PAX7: variants seen among roughly 807,000 people sequenced by gnomAD.
The protein encoded by PAX7 is paired box protein Pax-7.
Under a neutral mutation model 50.7 loss-of-function variants are expected in PAX7, and 18 were observed. The observed-to-expected ratio is 0.36, with a 90% confidence interval of 0.25 to 0.53. The LOEUF is 0.53. Among genes scored for constraint, PAX7 ranks in the 20% least tolerant of loss-of-function variants. The pLI is 0.93. For synonymous variants in PAX7, 310 were observed against 290.4 expected (o/e 1.07, Z -0.69); for missense variants, 644 against 702.9 (o/e 0.92, Z 0.95).
At chr1:18,664,365 T>G (rs1371891130) in intron 4 of PAX7, among the ~76,000 whole-genome samples, 1 of 152,200 alleles carries the variant, frequency 6.6e-6, no homozygotes, top group African/African-American at 2.4e-5. Context: ...TTCCCAACTG[T>G]TGAAAGTCTT....
rs1441884813 is a variant in PAX7, at chr1:18,631,465, G to A, written c.-139G>A. 2.8e-6 allele frequency: 2 copies of A among 712,366 alleles called. No homozygotes were observed. Among genetic ancestry groups the A allele is most frequent in the African/African-American group, 1.8e-5 (1 of 56,438 alleles). The allele number at this position is 712,366 out of a possible 1,614,324, so 44.1% of individuals were successfully genotyped here. On this transcript the variant is annotated 5_prime_UTR_variant, in exon 1 of 9. The change creates a new upstream start codon in the 5' untranslated region. Transcript: ENST00000420770. The stretch of plus-strand genomic sequence containing the variant: ...CAGGGGTGGGGGGTGGGGGTAGGGA[G>A]TGTGTGTGGAGGGGAGGGAGAAGAG...
chr1:18,747,938 C>A lies in PAX7; in HGVS notation c.*3009C>A. The A allele has an allele frequency of 5.1e-6, 1 of 197,790 alleles. No homozygotes were observed. The highest frequency in any genetic ancestry group is 1.0e-5 in the Non-Finnish European group (1 of 95,478). 12.3% of individuals were successfully genotyped at this position (197,790 alleles called of 1,614,324 possible). On this transcript the variant is annotated 3_prime_UTR_variant, in exon 9 of 9. Transcript: ENST00000420770. ...CATTCCAGGCTCTAGTGGGTTCTTT[C>A]AATCTTGTTCCTTTATTTTTTTCAT...
At chr1:18,731,902 C>T (rs888759969) in intron 7 of PAX7, among the ~76,000 whole-genome samples, 1 of 152,196 alleles carries the variant, frequency 6.6e-6, no homozygotes, top group South Asian at 2.1e-4. Flanking sequence ...CGGGCACCAC[C>T]CAAGCCCCTT....
At chr1:18,657,577 C>A (rs2088540770) in intron 4 of PAX7, among the ~76,000 whole-genome samples, 1 of 152,166 alleles carries the variant, frequency 6.6e-6, no homozygotes, top group Non-Finnish European at 1.5e-5. Flanking sequence ...GAGACCTGGT[C>A]TCCTCTGCCT....
At chr1:18,679,707 G>A (rs180940838) in intron 4 of PAX7, among the ~76,000 whole-genome samples, 8 of 152,350 alleles carry the variant, frequency 5.3e-5, no homozygotes, top group African/African-American at 1.2e-4. Context: ...TGGGATGGAC[G>A]TGGGGTCTGT....
intron 4 of PAX7, among the ~76,000 whole-genome samples, chr1:18,650,968 C>A (rs1411315690): frequency 2.0e-5 from 3 of 152,106 alleles, no homozygotes; most frequent in Non-Finnish European, 1.5e-5. Flanking sequence ...TGGATGGTCT[C>A]CCAGACACTC....
At chr1:18,656,127 C>A (rs1304401432) in intron 4 of PAX7, among the ~76,000 whole-genome samples, 1 of 152,176 alleles carries the variant, frequency 6.6e-6, no homozygotes, top group Non-Finnish European at 1.5e-5. Flanking sequence ...GCGCTTATAA[C>A]AATGCCTGGT....
intron 4 of PAX7, among the ~76,000 whole-genome samples, chr1:18,665,717 C>T (rs985983074): frequency 4.9e-4 from 71 of 143,562 alleles, no homozygotes; most frequent in African/African-American, 1.8e-3. Context: ...GTTGCCCAGG[C>T]TGGAGTACAT....
rs907543749 is a variant in PAX7, at chr1:18,690,421, C to T, written c.587-1333C>T. ...AGGGGCTGCTGAGGGGCAGCTTCAGCGCCCCGGCTGGGAGATGCCCTGCTA... is the reference window on the plus strand; with the variant it reads ...AGGGGCTGCTGAGGGGCAGCTTCAGTGCCCCGGCTGGGAGATGCCCTGCTA... On this transcript the variant is annotated intron_variant, in intron 4 of 8. Transcript: ENST00000420770. Among the ~76,000 whole-genome samples, 9 of 152,218 alleles carry T rather than the reference C, an allele frequency of 5.9e-5. No individual in the cohort carries two copies. In the South Asian group the frequency reaches 6.2e-4, roughly 10 times the overall value.
At chr1:18,667,738 C>T (rs2088691132) in intron 4 of PAX7, among the ~76,000 whole-genome samples, 1 of 152,106 alleles carries the variant, frequency 6.6e-6, no homozygotes, top group Non-Finnish European at 1.5e-5. Flanking sequence ...CTTCCTGCAT[C>T]ACACCCAGGA....
At chr1:18,736,775 A>G (rs1025254217) in intron 8 of PAX7, among the ~76,000 whole-genome samples, 6 of 152,246 alleles carry the variant, frequency 3.9e-5, no homozygotes, top group African/African-American at 1.4e-4. Context: ...TTTTCCAACT[A>G]CTAAATAACC....
At chr1:18,711,230 C>T (rs1019434497) in intron 7 of PAX7, among the ~76,000 whole-genome samples, 1 of 152,182 alleles carries the variant, frequency 6.6e-6, no homozygotes, top group African/African-American at 2.4e-5. Context: ...GCTTGCTTAA[C>T]CTCTCTGGGC....
chr1:18,734,047 G>A (rs1261218785), intron 7 of PAX7, among the ~76,000 whole-genome samples: 3 of 152,210 alleles, frequency 2.0e-5, no homozygotes, highest in Non-Finnish European at 4.4e-5. Flanking sequence ...TCTGTCCCTA[G>A]CCCGAGGAAT....
At chr1:18,736,005 A>T (rs1430917433) in intron 8 of PAX7, 127 bp downstream of exon 8, 3 of 1,604,108 alleles carry the variant, frequency 1.9e-6, no homozygotes, top group Non-Finnish European at 1.7e-6. Flanking sequence ...CAGATGGAAA[A>T]ATTGAAGTCC....
At chr1:18,702,987 G>A in intron 6 of PAX7, 107 bp from the exon 7 acceptor site, 1 of 1,041,090 alleles carries the variant, frequency 9.6e-7, no homozygotes, top group Non-Finnish European at 1.4e-6. Flanking sequence ...TTCCCTCCAA[G>A]GAATGGAGAC....
At chr1:18,738,448 G>A (rs1930921529) in intron 8 of PAX7, among the ~76,000 whole-genome samples, 1 of 152,200 alleles carries the variant, frequency 6.6e-6, no homozygotes, top group Non-Finnish European at 1.5e-5. Flanking sequence ...CAGCAGGGGA[G>A]GGGATCAAAA....
chr1:18,698,055 G>C (rs1232497487), intron 5 of PAX7, among the ~76,000 whole-genome samples: 1 of 152,112 alleles, frequency 6.6e-6, no homozygotes, highest in Non-Finnish European at 1.5e-5. Flanking sequence ...ACTTTATTCA[G>C]CATTCTTTTT....
rs149620472 is a variant in PAX7, at chr1:18,742,519, G to A, written c.1403-2295G>A. Among the ~76,000 whole-genome samples the A allele has an allele frequency of 4.5e-4, 68 of 152,322 alleles. 1 individual carries two copies. The East Asian group carries it at 0.01, about 23-fold the overall frequency. On this transcript the variant is annotated intron_variant, in intron 8 of 8. Transcript: ENST00000420770. ...GGTAAGGCAGGCTTCCAGTAGCAGA[G>A]TTGGTGTGGCCAGGGCTACAGAGTC...
intron 4 of PAX7, among the ~76,000 whole-genome samples, chr1:18,642,881 T>G: frequency 7.4e-6 from 1 of 135,140 alleles, no homozygotes; most frequent in African/African-American, 2.8e-5. Flanking sequence ...GGGGAAGGAG[T>G]CCAGTGAGAG....
Sources: gnomAD v4.1 joint callset for allele counts (sites outside exome capture counted in the v4.1 genomes callset) on GRCh38, gnomAD v4.1.1 for gene constraint, MANE v1.5 for transcripts, NCBI Gene and HGNC (gene_info 2026-07-23, HGNC 2026-07-21) for gene names.